PRIM2: variants seen among roughly 807,000 people sequenced by gnomAD.
PRIM2 encodes the protein DNA primase large subunit.
PRIM2 carries 39 observed loss-of-function variants against 67.3 expected under a neutral mutation model. The ratio of observed to expected loss-of-function variants is 0.58; its 90% CI spans 0.45 to 0.76. The LOEUF (loss-of-function observed/expected upper bound fraction) is 0.76, where lower values mean the gene tolerates loss of function less well. Among genes scored for constraint, PRIM2 ranks in the 30% least tolerant of loss-of-function variants. PRIM2 has a pLI of 0.00. For synonymous variants in PRIM2, 143 were observed against 198.7 expected (o/e 0.72, Z 2.36); for missense variants, 398 against 598.7 (o/e 0.66, Z 3.50).
chr6:57,300,119 A>G, the PRIM2 span, among the ~76,000 whole-genome samples: 2 of 152,210 alleles, frequency 1.3e-5, no homozygotes, highest in Non-Finnish European at 2.9e-5. Flanking sequence ...AAAATAACTT[A>G]CAATATGGGA....
At chr6:57,550,080 C>T (rs1379106655) in intron 10 of PRIM2, among the ~76,000 whole-genome samples, 17 of 152,108 alleles carry the variant, frequency 1.1e-4, no homozygotes, top group African/African-American at 3.6e-4. Flanking sequence ...AGCGAAACTC[C>T]GTGTCCCCCC....
intron 8 of PRIM2, among the ~76,000 whole-genome samples, chr6:57,520,166 C>T (rs1554348742): frequency 6.6e-6 from 1 of 152,166 alleles, no homozygotes; most frequent in African/African-American, 2.4e-5. Flanking sequence ...TTCCAGCACC[C>T]CCTACCAAAG....
chr6:57,457,846 G>A (rs1772857897), intron 7 of PRIM2, among the ~76,000 whole-genome samples: 1 of 152,176 alleles, frequency 6.6e-6, no homozygotes, highest in Admixed American at 6.5e-5. Context: ...ACCTCGGTTG[G>A]AAACGCAGAA....
chr6:57,235,511 T>C, the PRIM2 span, among the ~76,000 whole-genome samples: 2 of 151,938 alleles, frequency 1.3e-5, no homozygotes, highest in Admixed American at 6.6e-5. Context: ...ACTGGATTAA[T>C]GAAATTCAAA....
chr6:57,559,555 T>A (rs1347122607), intron 10 of PRIM2, among the ~76,000 whole-genome samples: 1 of 152,184 alleles, frequency 6.6e-6, no homozygotes, highest in Non-Finnish European at 1.5e-5. Context: ...TTTAAAATAA[T>A]TGAAGAATTG....
chr6:57,523,311 G>T (rs1554349081), intron 8 of PRIM2, among the ~76,000 whole-genome samples: 1 of 151,838 alleles, frequency 6.6e-6, no homozygotes, highest in Non-Finnish European at 1.5e-5. Flanking sequence ...AATCACACAG[G>T]TAGTGACTGT....
At chr6:57,274,334 C>T in the PRIM2 span, among the ~76,000 whole-genome samples, 2 of 152,184 alleles carry the variant, frequency 1.3e-5, no homozygotes, top group African/African-American at 4.8e-5. Context: ...ATGGCGGGTG[C>T]CCCTCCCCCA....
At chr6:57,579,177 A>G (rs1582001039) in intron 10 of PRIM2, among the ~76,000 whole-genome samples, 1 of 148,716 alleles carries the variant, frequency 6.7e-6, no homozygotes, top group Non-Finnish European at 1.5e-5. Flanking sequence ...TTTTGGATAC[A>G]TTTCTCTCTT....
chr6:57,365,333 C>T (rs1335889895), intron 5 of PRIM2, among the ~76,000 whole-genome samples: 3 of 151,116 alleles, frequency 2.0e-5, no homozygotes, highest in Admixed American at 6.6e-5. Context: ...TTCCCTCCAT[C>T]TCTGTCACAG....
chr6:57,271,689 T>C, the PRIM2 span, among the ~76,000 whole-genome samples: 1 of 152,214 alleles, frequency 6.6e-6, no homozygotes, highest in Non-Finnish European at 1.5e-5. Flanking sequence ...GTGTTTGCTC[T>C]TGCTTCTCTA....
intron 10 of PRIM2, among the ~76,000 whole-genome samples, chr6:57,557,398 A>G (rs1775535676): frequency 1.3e-5 from 2 of 152,338 alleles, no homozygotes; most frequent in Admixed American, 1.3e-4. Context: ...TTGGGTAAAG[A>G]CAATGTGGTA....
intron 7 of PRIM2, among the ~76,000 whole-genome samples, chr6:57,418,408 T>TTTTTTTTTTC: frequency 7.6e-6 from 1 of 131,248 alleles, no homozygotes; most frequent in Non-Finnish European, 1.6e-5. Flanking sequence ...TTTTTTTTTT[T>TTTTTTTTTTC]TTTTTTTTTA....
intron 13 of PRIM2, among the ~76,000 whole-genome samples, chr6:57,640,932 GCAAAAAAA>G (rs1777220141): frequency 8.4e-6 from 1 of 119,424 alleles, no homozygotes; most frequent in African/African-American, 2.9e-5. Context: ...ACAATCCTAA[GCAAAAAAA>G]CAAAAAAAAA....
chr6:57,584,078 A>G (rs1205505459), intron 10 of PRIM2, among the ~76,000 whole-genome samples: 1 of 142,374 alleles, frequency 7.0e-6, no homozygotes, highest in Non-Finnish European at 1.5e-5. Flanking sequence ...TCTTTTTGCT[A>G]ATAACAGTAG....
the PRIM2 span, among the ~76,000 whole-genome samples, chr6:57,244,741 CA>C: frequency 0.22 from 32,728 of 145,886 alleles, 4,261 homozygotes; most frequent in East Asian, 0.6. Context: ...AACTCCATCT[CA>C]AAAAAAAAAA....
intron 10 of PRIM2, among the ~76,000 whole-genome samples, chr6:57,586,543 G>C (rs1165141065): frequency 2.6e-5 from 4 of 152,294 alleles, no homozygotes; most frequent in African/African-American, 9.6e-5. Context: ...CATGACCCTT[G>C]CAAGGATAGA....
intron 7 of PRIM2, among the ~76,000 whole-genome samples, chr6:57,415,228 G>A (rs1345209524): frequency 2.6e-5 from 4 of 152,122 alleles, no homozygotes; most frequent in African/African-American, 9.7e-5. Context: ...AAAGATAGAT[G>A]TTTTATTTAC....
chr6:57,496,417 A>G (rs1774005535), intron 7 of PRIM2, among the ~76,000 whole-genome samples: 1 of 152,204 alleles, frequency 6.6e-6, no homozygotes, highest in Non-Finnish European at 1.5e-5. Context: ...AACATGCACT[A>G]TGAAACCCAC....
At position 57,368,806 on chromosome 6, in the gene PRIM2, A is replaced by G. The variant is rs1292738371; in HGVS notation, c.460-11095A>G. Among the ~76,000 whole-genome samples the G allele has an allele frequency of 2.6e-5, 4 of 152,174 alleles. 1 individual carries two copies. The highest frequency in any genetic ancestry group is 5.9e-5 in the Non-Finnish European group (4 of 68,016). ...CTGTTCCAGTCAGTTTAGTTTATGC[A>G]TTGGTAACGACCCCCAAACCTCAGT... On this transcript the variant is annotated intron_variant, in intron 5 of 13. Coordinates refer to ENST00000615550, the MANE Select transcript of PRIM2 (RefSeq NM_000947.5).
Sources: allele counts gnomAD v4.1 joint callset (sites outside exome capture counted in the v4.1 genomes callset), GRCh38; gene constraint gnomAD v4.1.1; transcripts MANE v1.5; gene names NCBI Gene and HGNC (gene_info 2026-07-23, HGNC 2026-07-21).